Variants in ZNF655 observed in about 807,000 individuals in gnomAD.
ZNF655 encodes Vav-interacting Kruppel-like protein 1.
ZNF655 carries 3 observed loss-of-function variants against 6.6 expected under a neutral mutation model. The ratio of observed to expected loss-of-function variants is 0.46; its 90% CI spans 0.21 to 1.18. ZNF655 has a LOEUF of 1.18. ZNF655 is among the 50% of genes most tolerant of loss of function. The pLI, the probability that ZNF655 is intolerant of heterozygous loss-of-function variation, is 0.24. For missense variants in ZNF655, 526 were observed against 572.3 expected (o/e 0.92, Z 0.83); for synonymous variants, 178 against 195.0 (o/e 0.91, Z 0.73).
At chr7:99,562,848 C>T (rs886198973) in intron 2 of ZNF655, among the ~76,000 whole-genome samples, 1 of 152,158 alleles carries the variant, frequency 6.6e-6, no homozygotes, top group African/African-American at 2.4e-5. Context: ...CAACCTCCAA[C>T]CAGACACTTT....
At chr7:99,571,909 GTTCC>G in intron 2 of ZNF655, 1 of 670,966 alleles carries the variant, frequency 1.5e-6, no homozygotes, top group Non-Finnish European at 2.4e-6. Context: ...AGCATGGAGA[GTTCC>G]TTCCTTTTCC....
intron 2 of ZNF655, among the ~76,000 whole-genome samples, chr7:99,565,567 A>G (rs1452173511): frequency 6.6e-6 from 1 of 152,202 alleles, no homozygotes; most frequent in Non-Finnish European, 1.5e-5. Context: ...TAGCTGAGTA[A>G]AGAAGTCGGT....
intron 1 of ZNF655, among the ~76,000 whole-genome samples, chr7:99,559,812 G>C (rs1277981527): frequency 1.5e-5 from 2 of 131,248 alleles, no homozygotes; most frequent in Admixed American, 1.6e-4. Flanking sequence ...TTTTTTTGTA[G>C]GGACGGGGTT....
intron 2 of ZNF655, among the ~76,000 whole-genome samples, chr7:99,565,144 TATTA>T (rs1803525160): frequency 6.6e-6 from 1 of 152,144 alleles, no homozygotes; most frequent in African/African-American, 2.4e-5. Context: ...TTTATACATT[TATTA>T]ATTTAACTTT....
Position 99,573,667 on chromosome 7 carries a change from G to C in ZNF655, c.*83G>C. The C allele has an allele frequency of 6.8e-7, 1 of 1,468,418 alleles. No individual in the cohort carries two copies. The highest frequency in any genetic ancestry group is 9.1e-7 in the Non-Finnish European group (1 of 1,094,836). 91.0% of individuals were successfully genotyped at this position (1,468,418 alleles called of 1,614,324 possible). ...TTCACACCAGGGAGAAATCATGTATGTACTGCATGTGGTAAAGCCTTCAGT... is the reference window on the plus strand; with the variant it reads ...TTCACACCAGGGAGAAATCATGTATCTACTGCATGTGGTAAAGCCTTCAGT... On this transcript the variant is annotated 3_prime_UTR_variant, in exon 3 of 3. Transcript: ENST00000252713.
chr7:99,568,703 C>T (rs184782073), intron 2 of ZNF655, among the ~76,000 whole-genome samples: 1 of 152,232 alleles, frequency 6.6e-6, no homozygotes, highest in African/African-American at 2.4e-5. Flanking sequence ...TGAGATCCTC[C>T]TGCCTTGACC....
chr7:99,562,083 A>T, intron 2 of ZNF655: 2 of 1,000,960 alleles, frequency 2.0e-6, no homozygotes, highest in South Asian at 2.1e-5. Flanking sequence ...TCAATAGCAG[A>T]CTCCAGTTTG....
chr7:99,563,854 T>C (rs749758448), intron 2 of ZNF655: 6 of 1,604,422 alleles, frequency 3.7e-6, no homozygotes, highest in Admixed American at 1.7e-5. Context: ...GGCTCTTTAA[T>C]CTTTGTAGGC....
chr7:99,572,583 A>G lies in ZNF655; in HGVS notation c.475A>G (p.Asn159Asp), dbSNP rs762525095. Reference sequence around the variant, plus strand: ...TCTTAGAATACAGAATACCGATGACAATGATAAGTATGACATGAGCTTCAA... The same window carrying G: ...TCTTAGAATACAGAATACCGATGACGATGATAAGTATGACATGAGCTTCAA... ...RVLRIQNTDD[N>D]DKYDMSFNQN... Residue 159 changes from asparagine to aspartate, a missense_variant, in exon 3 of 3, where the codon AAT (asparagine) becomes GAT (aspartate). Physicochemically the swap from Asn to Asp is conservative, Grantham distance 23. Transcript: ENST00000252713. 2.2e-5 allele frequency: 35 copies of G among 1,613,732 alleles called. No individual in the cohort carries two copies. Among genetic ancestry groups the G allele is most frequent in the Non-Finnish European group, 1.4e-5 (16 of 1,179,950 alleles).
At chr7:99,562,219 G>T in intron 2 of ZNF655, 4 of 1,002,586 alleles carry the variant, frequency 4.0e-6, no homozygotes, top group South Asian at 1.8e-5. Context: ...GATGTTTAAG[G>T]GTTATGGGCT....
At chr7:99,571,559 C>T in intron 2 of ZNF655, 2 of 992,178 alleles carry the variant, frequency 2.0e-6, no homozygotes, top group South Asian at 3.3e-5. Context: ...CTTCACTCTC[C>T]AGACCTTCCT....
At chr7:99,563,455 A>AT (rs1326213651) in intron 2 of ZNF655, among the ~76,000 whole-genome samples, 1 of 152,032 alleles carries the variant, frequency 6.6e-6, no homozygotes, top group African/African-American at 2.4e-5. Flanking sequence ...AGTAGCTGGG[A>AT]TTACAGGCAT....
At chr7:99,565,059 T>C (rs1216871108) in intron 2 of ZNF655, among the ~76,000 whole-genome samples, 1 of 152,254 alleles carries the variant, frequency 6.6e-6, no homozygotes, top group African/African-American at 2.4e-5. Flanking sequence ...GAATTATTTA[T>C]GTCCCGCTGC....
chr7:99,571,253 G>T, intron 2 of ZNF655: 2 of 1,288,882 alleles, frequency 1.6e-6, no homozygotes, highest in Non-Finnish European at 2.0e-6. Flanking sequence ...TGATTCTCTT[G>T]CTACAGGTTA....
At chr7:99,562,254 C>G (rs1327776764) in intron 2 of ZNF655, 4 of 1,344,150 alleles carry the variant, frequency 3.0e-6, no homozygotes, top group East Asian at 2.3e-5. Context: ...CTAATCTGTT[C>G]TCCCTCCTCC....
chr7:99,564,133 T>A, intron 2 of ZNF655: 1 of 1,499,292 alleles, frequency 6.7e-7, no homozygotes, highest in Non-Finnish European at 8.8e-7. Context: ...CTCCTCAAAT[T>A]ACCTCTGTTT....
Position 99,572,473 on chromosome 7 carries a change from C to G in ZNF655, c.365C>G (p.Thr122Ser). ...EFRQITISKE[T>S]FTSEKNNECH... ...AGGCAAATAACAATCAGCAAGGAAA[C>G]CTTCACCAGTGAGAAGAACAATGAA... is the stretch of plus-strand genomic sequence containing the variant. The change falls in exon 3 of 3, where the codon ACC (threonine) becomes AGC (serine). Residue 122 changes from threonine to serine, a missense_variant. Coordinates refer to ENST00000252713, the MANE Select transcript of ZNF655 (RefSeq NM_138494.3). 2 of 1,613,858 alleles carry G rather than the reference C, an allele frequency of 1.2e-6. No individual in the cohort carries two copies. The highest frequency in any genetic ancestry group is 1.7e-6 in the Non-Finnish European group (2 of 1,179,924).
chr7:99,562,206 T>C, intron 2 of ZNF655: 1 of 884,360 alleles, frequency 1.1e-6, no homozygotes, highest in African/African-American at 1.7e-5. Context: ...TGGGTGCTTA[T>C]TAGATGTTTA....
chr7:99,563,959 T>C, intron 2 of ZNF655: 1 of 1,614,086 alleles, frequency 6.2e-7, no homozygotes, highest in Non-Finnish European at 8.5e-7. Flanking sequence ...GGAGAAACAC[T>C]TGCCGTCCTT....
Sources: allele counts gnomAD v4.1 joint callset (sites outside exome capture counted in the v4.1 genomes callset), GRCh38; gene constraint gnomAD v4.1.1; transcripts MANE v1.5; gene names NCBI Gene and HGNC (gene_info 2026-07-23, HGNC 2026-07-21).